SIGLEC1: variants seen among roughly 807,000 people sequenced by gnomAD.
The protein encoded by SIGLEC1 is sialoadhesin.
SIGLEC1 carries 132 observed loss-of-function variants against 148.0 expected under a neutral mutation model. The observed-to-expected ratio is 0.89, with a 90% confidence interval of 0.77 to 1.03. The LOEUF (loss-of-function observed/expected upper bound fraction) is 1.03. Among genes scored for constraint, SIGLEC1 ranks in the 50% least tolerant of loss-of-function variants. SIGLEC1 has a pLI of 0.00. For synonymous variants in SIGLEC1, 945 were observed against 969.0 expected, an observed-to-expected ratio of 0.98 and a Z score of 0.46; for missense variants, 2,253 against 2,271.4, an observed-to-expected ratio of 0.99 and a Z score of 0.16.
Position 3,689,158 on chromosome 20 carries a change from C to T in SIGLEC1, c.5067G>A (p.Thr1689=), listed in dbSNP as rs143796184. The change falls in exon 21 of 22, where the codon ACG becomes ACA. Residue 1689 remains threonine (T), a synonymous_variant. Coordinates refer to ENST00000344754, the MANE Select transcript of SIGLEC1 (RefSeq NM_023068.4). The stretch of plus-strand genomic sequence containing the variant: ...CCCGTGTGTGTTGAATGGATACCTG[C>T]GTGGTCTCTTTCTGAAAAGCCATCT... The part of the protein sequence containing the change: ...SVEMAFQKET[T]QLIDPDAATC... 9.3e-6 allele frequency: 15 copies of T among 1,613,416 alleles called. No individual in the cohort carries two copies. Among genetic ancestry groups the T allele is most frequent in the East Asian group, 2.2e-5 (1 of 44,870 alleles).
rs1266281491 is a variant in SIGLEC1, at chr20:3,710,125, G to T, written c.-110+2345C>A. ...CTCCCTGGTCCTAAATGCTGACTTG[G>T]CCAAGTGAACGAGGAGGCTGGAAGT... On this transcript the variant is annotated intron_variant, in intron 1 of 21. Coordinates refer to ENST00000344754, the MANE Select transcript of SIGLEC1 (RefSeq NM_023068.4). This position sits in a 1 kb window ranked among gnomAD's most constrained non-coding sequence, Gnocchi z 4.6. Among the ~76,000 whole-genome samples, 1 of 152,148 alleles carries T rather than the reference G, an allele frequency of 6.6e-6. No individual in the cohort carries two copies. Among genetic ancestry groups the T allele is most frequent in the Non-Finnish European group, 1.5e-5 (1 of 68,026 alleles).
chr20:3,707,804 GGCAGTTCT>G (rs2087906886), intron 1 of SIGLEC1, among the ~76,000 whole-genome samples: 1 of 152,194 alleles, frequency 6.6e-6, no homozygotes, highest in South Asian at 2.1e-4. Context: ...CCACTCTGGG[GGCAGTTCT>G]GTCTGCTCAA....
rs753018237 is a variant in SIGLEC1 at position 3,689,717 on chromosome 20, G to C, written c.4895-15C>G. Reference sequence around the variant, plus strand: ...GCGGTGCAGGGCTGGAACACAGAGCGGGACTCAGAGCAGCCACAGCTGCAG... The same window carrying C: ...GCGGTGCAGGGCTGGAACACAGAGCCGGACTCAGAGCAGCCACAGCTGCAG... On this transcript the variant is annotated splice_polypyrimidine_tract_variant and intron_variant, in intron 19 of 21. Coordinates refer to ENST00000344754, the MANE Select transcript of SIGLEC1 (RefSeq NM_023068.4). 15 of 1,557,756 alleles carry C rather than the reference G, an allele frequency of 9.6e-6. No individual in the cohort carries two copies. The highest frequency in any genetic ancestry group is 1.2e-5 in the Non-Finnish European group (14 of 1,150,446).
In SIGLEC1 at chr20:3,698,065, G is replaced by A. The variant is rs759092310; in HGVS notation, c.1855C>T (p.Arg619Ter). 7 of 1,606,842 alleles carry A rather than the reference G, an allele frequency of 4.4e-6. No individual in the cohort carries two copies. Among genetic ancestry groups the A allele is most frequent in the Admixed American group, 1.7e-5 (1 of 58,750 alleles). ...TCCACACGGCACAAAAGGAGGCCTCGCCGTCCAGCCCCGGCCCCAGCGGCA... is the reference window on the plus strand; with the variant it reads ...TCCACACGGCACAAAAGGAGGCCTCACCGTCCAGCCCCGGCCCCAGCGGCA... ...LDAAGAGAGR[R>*]GLLLCRVDSD... Residue 619 changes from arginine (R) to a stop codon, truncating the protein, a stop_gained, in exon 9 of 22, where the codon CGA becomes TGA. Coordinates refer to ENST00000344754, the MANE Select transcript of SIGLEC1 (RefSeq NM_023068.4). LOFTEE classifies it high-confidence loss of function.
chr20:3,704,919 C>T (rs976876226), intron 4 of SIGLEC1, among the ~76,000 whole-genome samples: 1 of 152,234 alleles, frequency 6.6e-6, no homozygotes, highest in Admixed American at 6.5e-5. Flanking sequence ...CCACTGTATC[C>T]GGCCTCAAGT....
intron 18 of SIGLEC1, among the ~76,000 whole-genome samples, chr20:3,690,824 C>CTTTTTTTTTTTTTTTTTTTTTTTTTTTTT (rs200631809): frequency 3.2e-5 from 4 of 126,872 alleles, no homozygotes; most frequent in African/African-American, 1.3e-4. Flanking sequence ...CTCTTCTTTT[C>CTTTTTTTTTTTTTTTTTTTTTTTTTTTTT]TTTTCTTTTT....
intron 18 of SIGLEC1, among the ~76,000 whole-genome samples, chr20:3,690,990 C>T (rs929330756): frequency 5.9e-5 from 9 of 151,952 alleles, no homozygotes; most frequent in Admixed American, 2.6e-4. Flanking sequence ...GCCTTCATGC[C>T]GTGCTAATTC....
rs762809877 is a variant in SIGLEC1 at position 3,705,844 on chromosome 20, G to A, written c.606C>T (p.Leu202=). 1 of 1,614,150 alleles carries A rather than the reference G, an allele frequency of 6.2e-7. No homozygotes were observed. Among genetic ancestry groups the A allele is most frequent in the East Asian group, 2.2e-5 (1 of 44,882 alleles). ...GGTCCTGCCAGGACATGGCCATGTG[G>A]AGGGTCTCCAGGTGGCCGACGCCGG... is the stretch of plus-strand genomic sequence containing the variant. ...EPTGVGHLET[L]HMAMSWQDHG... is the part of the protein sequence containing the mutation. Residue 202 remains leucine (L), a synonymous_variant, in exon 4 of 22, where the codon CTC becomes CTT. Coordinates refer to ENST00000344754, the MANE Select transcript of SIGLEC1 (RefSeq NM_023068.4).
intron 6 of SIGLEC1, 50 bp from the exon 7 acceptor site, chr20:3,701,691 C>T: frequency 6.8e-7 from 1 of 1,478,662 alleles, no homozygotes; most frequent in East Asian, 2.3e-5. Context: ...AGGGCATTCC[C>T]TGGATACCCT....
Position 3,706,601 on chromosome 20 carries a change from G to A in SIGLEC1, c.155C>T (p.Pro52Leu). ...IFSFPADVEVPDGITAIWYYD... is the reference protein window; with the variant it reads ...IFSFPADVEVLDGITAIWYYD... ...GTACCAGATGGCCGTGATGCCGTCG[G>A]GCACCTCCACGTCGGCAGGGAAGCT... Residue 52 changes from proline to leucine, a missense_variant, in exon 3 of 22, where the codon CCC (proline) becomes CTC (leucine). Coordinates refer to ENST00000344754, the MANE Select transcript of SIGLEC1 (RefSeq NM_023068.4). 1 of 1,609,960 alleles carries A rather than the reference G, an allele frequency of 6.2e-7. No homozygotes were observed. Among genetic ancestry groups the A allele is most frequent in the Admixed American group, 1.7e-5 (1 of 59,446 alleles).
At position 3,701,518 on chromosome 20, in the gene SIGLEC1, A is replaced by G. The variant is rs1264900810; in HGVS notation, c.1352T>C (p.Ile451Thr). 6.2e-7 allele frequency: 1 copy of G among 1,613,976 alleles called. No individual in the cohort carries two copies. Residue 451 changes from isoleucine to threonine, a missense_variant, in exon 7 of 22, where the codon ATC (isoleucine) becomes ACC (threonine). Coordinates refer to ENST00000344754, the MANE Select transcript of SIGLEC1 (RefSeq NM_023068.4). ...ACTGTCCCCGGAGGTGGAGGCCAGG[A>G]TATGACCCCCATGTGACAGCACCAG... The part of the protein sequence containing the change: ...ATLVLSHGGH[I>T]LASTSGDSDH...
chr20:3,706,970 C>A, intron 2 of SIGLEC1, 110 bp downstream of exon 2: 1 of 1,275,650 alleles, frequency 7.8e-7, no homozygotes, highest in African/African-American at 1.5e-5. Context: ...ATTGGGCCCT[C>A]CCTTGACCTC....
rs1568845060 is a variant in SIGLEC1, at chr20:3,701,626, G to A, written c.1244C>T (p.Pro415Leu). Residue 415 changes from proline to leucine, a missense_variant, in exon 7 of 22, where the codon CCA (proline) becomes CTA (leucine). Physicochemically the swap from Pro to Leu is moderately conservative, Grantham distance 98. Coordinates refer to ENST00000344754, the MANE Select transcript of SIGLEC1 (RefSeq NM_023068.4). Reference sequence around the variant, plus strand: ...GGTCTCCAGGAAGGCTGTCAGGACTGGAGTGAGAGGCGGGTCTGTGTGGAG... The same window carrying A: ...GGTCTCCAGGAAGGCTGTCAGGACTAGAGTGAGAGGCGGGTCTGTGTGGAG... ...SVVVNHPPLT[P>L]VLTAFLETQA... 2 of 1,573,012 alleles carry A rather than the reference G, an allele frequency of 1.3e-6. No individual in the cohort carries two copies. The highest frequency in any genetic ancestry group is 1.7e-5 in the Admixed American group (1 of 57,540).
In SIGLEC1 at chr20:3,696,586, C is replaced by A. The variant is rs765331030; in HGVS notation, c.2683G>T (p.Gly895Ter). ...ATATCTTCAGAAGACTGACACTCAC[C>A]TCGGACCTGGAAGAAGAGTGAGGTG... ...SNTSLFFQVRGAWVQVSPSPE... is the reference protein window; with the variant it reads ...SNTSLFFQVR The change falls in exon 11 of 22, where the codon GGA becomes TGA. Residue 895 changes from glycine (G) to a stop codon, truncating the protein, a stop_gained and splice_region_variant. Transcript: ENST00000344754. LOFTEE classifies it high-confidence loss of function. 2 of 1,603,312 alleles carry A rather than the reference C, an allele frequency of 1.2e-6. No homozygotes were observed.
intron 4 of SIGLEC1, among the ~76,000 whole-genome samples, chr20:3,704,568 G>T (rs1172809602): frequency 2.0e-5 from 3 of 152,218 alleles, no homozygotes; most frequent in Non-Finnish European, 4.4e-5. Context: ...ACAAAGAACT[G>T]CATTTCCTTA....
At position 3,692,214 on chromosome 20, in the gene SIGLEC1, C is replaced by A; in HGVS notation, c.4031-12G>T. Reference sequence around the variant, plus strand: ...GTCCTGAGGGGCATCTGTGGGCAGGCAGGGCACAGATGGGGACCTTGCTTA... The same window carrying A: ...GTCCTGAGGGGCATCTGTGGGCAGGAAGGGCACAGATGGGGACCTTGCTTA... On this transcript the variant is annotated splice_polypyrimidine_tract_variant and intron_variant, in intron 16 of 21. Coordinates refer to ENST00000344754, the MANE Select transcript of SIGLEC1 (RefSeq NM_023068.4). The A allele has an allele frequency of 6.5e-7, 1 of 1,531,788 alleles. No homozygotes were observed. The highest frequency in any genetic ancestry group is 8.8e-7 in the Non-Finnish European group (1 of 1,140,642). 94.9% of individuals were successfully genotyped at this position (1,531,788 alleles called of 1,614,324 possible).
chr20:3,694,889 G>A lies in SIGLEC1; in HGVS notation c.2718C>T (p.Leu906=). The A allele has an allele frequency of 6.2e-7, 1 of 1,613,068 alleles. No homozygotes were observed. Among genetic ancestry groups the A allele is most frequent in the Non-Finnish European group, 8.5e-7 (1 of 1,179,948 alleles). Residue 906 remains leucine (L), a synonymous_variant, in exon 12 of 22, where the codon CTC becomes CTT. Coordinates refer to ENST00000344754, the MANE Select transcript of SIGLEC1 (RefSeq NM_023068.4). ...AWVQVSPSPE[L]QEGQAVVLSC... ...TCAGGACCACAGCCTGGCCCTCTTG[G>A]AGCTCAGGTGATGGTGACACCTGGA...
In SIGLEC1 at chr20:3,697,146, G is replaced by C; in HGVS notation, c.2319C>G (p.Ala773=). Residue 773 remains alanine, a synonymous_variant, in exon 10 of 22, where the codon GCC becomes GCG. Transcript: ENST00000344754. ...PVARTDAALY[A]CRILTEAGAQ... ...CACCAGCCTCAGTCAGGATGCGGCA[G>C]GCGTAAAGGGCAGCATCAGTTCTGG... is the stretch of plus-strand genomic sequence containing the variant. 1 of 1,613,754 alleles carries C rather than the reference G, an allele frequency of 6.2e-7. No homozygotes were observed. Among genetic ancestry groups the C allele is most frequent in the Non-Finnish European group, 8.5e-7 (1 of 1,180,032 alleles).
intron 16 of SIGLEC1, 28 bp from the exon 17 acceptor site, chr20:3,692,230 A>T: frequency 1.3e-6 from 2 of 1,518,500 alleles, no homozygotes; most frequent in Admixed American, 1.9e-5. Flanking sequence ...ACAGATGGGG[A>T]CCTTGCTTAG....
Sources: allele counts gnomAD v4.1 joint callset (sites outside exome capture counted in the v4.1 genomes callset), GRCh38; gene constraint gnomAD v4.1.1; non-coding constraint Gnocchi (gnomAD v3.1); transcripts MANE v1.5; gene names NCBI Gene and HGNC (gene_info 2026-07-23, HGNC 2026-07-21).